Variants in KCTD19 observed in about 807,000 individuals in gnomAD.
KCTD19 encodes BTB/POZ domain-containing protein KCTD19.
In KCTD19, 67 loss-of-function variants were observed where a neutral mutation model predicts 103.5. That is an observed-to-expected ratio of 0.65 (90% CI 0.53 to 0.79). KCTD19 has a LOEUF of 0.79. KCTD19 is among the 30% of genes least tolerant of loss of function. The pLI, the probability that KCTD19 is intolerant of heterozygous loss-of-function variation, is 0.00. For missense variants in KCTD19, 980 were observed against 1,136.1 expected (o/e 0.86, Z 1.98); for synonymous variants, 439 against 452.2 (o/e 0.97, Z 0.37).
intron 1 of KCTD19, among the ~76,000 whole-genome samples, chr16:67,326,445 C>A (rs2037172208): frequency 1.3e-5 from 2 of 152,070 alleles, no homozygotes; most frequent in Admixed American, 6.6e-5. Context: ...ATGAAGACCA[C>A]CCCGTCAAAG....
At chr16:67,316,151 C>G (rs2037011560) in intron 2 of KCTD19, among the ~76,000 whole-genome samples, 2 of 152,174 alleles carry the variant, frequency 1.3e-5, no homozygotes, top group East Asian at 3.9e-4. Flanking sequence ...AAGCAATCCT[C>G]CCACCTCAGT....
At chr16:67,322,314 T>C (rs1166566171) in intron 1 of KCTD19, among the ~76,000 whole-genome samples, 1 of 151,856 alleles carries the variant, frequency 6.6e-6, no homozygotes, top group Admixed American at 6.6e-5. Flanking sequence ...TTTTTTTTTT[T>C]TGAGACGGAG....
chr16:67,297,981 G>A (rs373462057), intron 6 of KCTD19, among the ~76,000 whole-genome samples: 5 of 150,442 alleles, frequency 3.3e-5, no homozygotes, highest in South Asian at 2.1e-4. Flanking sequence ...TAGTAGAGAC[G>A]GGGTTTCTTT....
Position 67,291,823 on chromosome 16 carries a change from C to T in KCTD19, c.2233G>A (p.Glu745Lys). 1.2e-6 allele frequency: 2 copies of T among 1,605,300 alleles called. No individual in the cohort carries two copies. The highest frequency in any genetic ancestry group is 1.7e-6 in the Non-Finnish European group (2 of 1,174,424). The change falls in exon 13 of 16, where the codon GAG (glutamate) becomes AAG (lysine). Residue 745 changes from glutamate to lysine, a missense_variant. Coordinates refer to ENST00000304372, the MANE Select transcript of KCTD19 (RefSeq NM_001100915.3). Reference protein sequence around the residue: ...RTKERESPAPEQPLPEASEVD... With the variant: ...RTKERESPAPKQPLPEASEVD... ...TCACTGGCCTCGGGCAGAGGCTGCT[C>T]AGGGGCAGGGCTTTCTGTGAAAACA...
chr16:67,308,974 T>C (rs1350197334), intron 2 of KCTD19, among the ~76,000 whole-genome samples: 1 of 151,140 alleles, frequency 6.6e-6, no homozygotes, highest in Non-Finnish European at 1.5e-5. Context: ...CTCTACTAAA[T>C]ATACAAAAAA....
intron 8 of KCTD19, chr16:67,295,859 T>C (rs9924145): frequency 0.15 from 57,348 of 384,274 alleles, 10,107 homozygotes; most frequent in African/African-American, 0.59. Context: ...ATTCTGGTGC[T>C]TCAGCCTCCC....
chr16:67,308,950 T>C (rs968553046), intron 2 of KCTD19, among the ~76,000 whole-genome samples: 4 of 151,852 alleles, frequency 2.6e-5, no homozygotes, highest in Admixed American at 2.0e-4. Context: ...CTGGCCAACA[T>C]GGCAAAACCC....
At chr16:67,314,775 C>T (rs2036984575) in intron 2 of KCTD19, among the ~76,000 whole-genome samples, 1 of 135,916 alleles carries the variant, frequency 7.4e-6, no homozygotes, top group Non-Finnish European at 1.5e-5. Context: ...ACTTAGCTGA[C>T]ATGATGGTTT....
chr16:67,305,951 A>C (rs2036888205), intron 2 of KCTD19, among the ~76,000 whole-genome samples: 1 of 152,150 alleles, frequency 6.6e-6, no homozygotes, highest in African/African-American at 2.4e-5. Context: ...GAGTGGGAGA[A>C]TCTTTCCCAC....
At chr16:67,295,643 C>A (rs1376767865) in intron 8 of KCTD19, 2 of 417,788 alleles carry the variant, frequency 4.8e-6, no homozygotes, top group Admixed American at 4.0e-5. Context: ...CATTTGGAAG[C>A]CCACCGTACC....
In KCTD19 at chr16:67,291,427, T is replaced by C; in HGVS notation, c.2447A>G (p.Glu816Gly). ...TFLSFSLSWE[E>G]MFYAQKCHCF... ...GTGACATTTCTGTGCATAAAACATC[T>C]CTTCCCAGGACAGAGAGAAACTCAG... is the stretch of plus-strand genomic sequence containing the variant. Residue 816 changes from glutamate (E) to glycine (G), a missense_variant, in exon 14 of 16, where the codon GAG becomes GGG. By Grantham distance (98) the Glu-to-Gly change is moderately conservative. Transcript: ENST00000304372. The C allele has an allele frequency of 6.2e-7, 1 of 1,614,166 alleles. No homozygotes were observed. The highest frequency in any genetic ancestry group is 8.5e-7 in the Non-Finnish European group (1 of 1,180,016).
At position 67,291,826 on chromosome 16, in the gene KCTD19, G is replaced by A; in HGVS notation, c.2230C>T (p.Pro744Ser). 1 of 1,596,382 alleles carries A rather than the reference G, an allele frequency of 6.3e-7. No homozygotes were observed. Among genetic ancestry groups the A allele is most frequent in the Non-Finnish European group, 8.5e-7 (1 of 1,170,108 alleles). Reference protein sequence around the residue: ...QRTKERESPAPEQPLPEASEV... With the variant: ...QRTKERESPASEQPLPEASEV... ...CTGGCCTCGGGCAGAGGCTGCTCAG[G>A]GGCAGGGCTTTCTGTGAAAACAACA... is the stretch of plus-strand genomic sequence containing the variant. The change falls in exon 13 of 16, where the codon CCT becomes TCT. Residue 744 changes from proline (P) to serine (S), a missense_variant. Physicochemically the swap from Pro to Ser is moderately conservative, Grantham distance 74 (BLOSUM62 -1). Transcript: ENST00000304372.
chr16:67,317,765 G>A (rs2037028183), intron 2 of KCTD19, among the ~76,000 whole-genome samples: 1 of 152,000 alleles, frequency 6.6e-6, no homozygotes, highest in African/African-American at 2.4e-5. Flanking sequence ...CACATACGTC[G>A]CTCACATTAT....
chr16:67,301,855 T>G lies in KCTD19; in HGVS notation c.711A>C (p.Ala237=). The G allele has an allele frequency of 6.2e-7, 1 of 1,613,364 alleles. No individual in the cohort carries two copies. The highest frequency in any genetic ancestry group is 1.1e-5 in the South Asian group (1 of 91,068). The stretch of plus-strand genomic sequence containing the variant: ...CAGGGATTTCCAGAATTTCCACTTC[T>G]GCTTCTAATACATCAATGTTGGAGA... ...DNFSNIDVLE[A]EVEILEIPAL... Residue 237 remains alanine (A), a synonymous_variant, in exon 5 of 16, where the codon GCA becomes GCC. Transcript: ENST00000304372.
intron 1 of KCTD19, among the ~76,000 whole-genome samples, chr16:67,324,071 T>C (rs1232107386): frequency 6.6e-6 from 1 of 152,082 alleles, no homozygotes; most frequent in Non-Finnish European, 1.5e-5. Flanking sequence ...TTTAAGGTCA[T>C]CTGTATATCT....
chr16:67,301,740 C>CA, intron 5 of KCTD19, 51 bp downstream of exon 5: 1 of 1,578,816 alleles, frequency 6.3e-7, no homozygotes, highest in Non-Finnish European at 8.7e-7. Flanking sequence ...TTGGCTTTTC[C>CA]AGGTCAAGCC....
chr16:67,308,290 C>G (rs2142513777), intron 2 of KCTD19, among the ~76,000 whole-genome samples: 1 of 151,870 alleles, frequency 6.6e-6, no homozygotes, highest in East Asian at 1.9e-4. Flanking sequence ...CTCAACCTCC[C>G]AAGTAGCTGG....
intron 2 of KCTD19, among the ~76,000 whole-genome samples, chr16:67,312,307 G>A (rs1051972253): frequency 1.3e-5 from 2 of 152,214 alleles, no homozygotes; most frequent in Non-Finnish European, 2.9e-5. Flanking sequence ...TCCCACCCAG[G>A]CTGATGGATG....
chr16:67,291,190 G>T, intron 14 of KCTD19, 119 bp downstream of exon 14: 2 of 1,300,884 alleles, frequency 1.5e-6, no homozygotes, highest in Non-Finnish European at 2.1e-6. Flanking sequence ...TCTGGCCCTG[G>T]CCTTCTCCTT....
Sources: gnomAD v4.1 joint callset for allele counts (sites outside exome capture counted in the v4.1 genomes callset) on GRCh38, gnomAD v4.1.1 for gene constraint, MANE v1.5 for transcripts, NCBI Gene and HGNC (gene_info 2026-07-23, HGNC 2026-07-21) for gene names.